Variants in EMILIN2 observed in about 807,000 individuals in gnomAD.
The protein encoded by EMILIN2 is elastin microfibril interfacer 2.
EMILIN2 carries 71 observed loss-of-function variants against 87.1 expected under a neutral mutation model. The ratio of observed to expected loss-of-function variants is 0.82; its 90% CI spans 0.67 to 0.99. The LOEUF is 0.99. Among genes scored for constraint, EMILIN2 ranks in the 50% least tolerant of loss-of-function variants. EMILIN2 has a pLI of 0.00. For missense variants in EMILIN2, 1,407 were observed against 1,371.8 expected, an observed-to-expected ratio of 1.03 and a Z score of -0.40; for synonymous variants, 581 against 563.4, an observed-to-expected ratio of 1.03 and a Z score of -0.44.
chr18:2,883,138 C>T (rs987536956), intron 2 of EMILIN2, among the ~76,000 whole-genome samples: 2 of 152,102 alleles, frequency 1.3e-5, no homozygotes, highest in African/African-American at 4.8e-5. Flanking sequence ...CGGCAGGGCC[C>T]TCTTGGGATT....
chr18:2,909,932 C>T, intron 7 of EMILIN2, 113 bp downstream of exon 7: 1 of 1,436,662 alleles, frequency 7.0e-7, no homozygotes, highest in Non-Finnish European at 9.4e-7. Flanking sequence ...GGGAGGACGC[C>T]ACCCTGGAGC....
chr18:2,897,935 G>GT (rs1181660482), intron 4 of EMILIN2, among the ~76,000 whole-genome samples: 1 of 151,564 alleles, frequency 6.6e-6, no homozygotes. Context: ...TGTATCGATA[G>GT]TTTTTTTGAG....
In EMILIN2 at chr18:2,894,630, G is replaced by C. The variant is rs1170154511; in HGVS notation, c.2359+2144G>C. Among the ~76,000 whole-genome samples, 1 of 152,210 alleles carries C rather than the reference G, an allele frequency of 6.6e-6. No homozygotes were observed. Among genetic ancestry groups the C allele is most frequent in the Non-Finnish European group, 1.5e-5 (1 of 68,038 alleles). ...ATTTGTCTGTTGCAGTAGGAGTTGG[G>C]GGGTGAATTCTTTTAAAAGAGAATG... On this transcript the variant is annotated intron_variant, in intron 4 of 7. Transcript: ENST00000254528. The surrounding 1 kb of genome is among the most constrained non-coding windows in gnomAD (Gnocchi z 5.0).
At chr18:2,889,128 CT>C (rs1218857359) in intron 3 of EMILIN2, among the ~76,000 whole-genome samples, 102 of 82,972 alleles carry the variant, frequency 1.2e-3, no homozygotes, top group East Asian at 0.012. Flanking sequence ...TCATTTCTTT[CT>C]TTTCTTTTTT....
At chr18:2,852,801 G>A (rs1023155778) in intron 2 of EMILIN2, among the ~76,000 whole-genome samples, 3 of 152,184 alleles carry the variant, frequency 2.0e-5, no homozygotes, top group South Asian at 2.1e-4. Context: ...TTATAGGCGT[G>A]AGCCATTGCA....
chr18:2,897,660 G>A (rs923837076), intron 4 of EMILIN2, among the ~76,000 whole-genome samples: 16 of 152,178 alleles, frequency 1.1e-4, no homozygotes, highest in Admixed American at 2.6e-4. Context: ...GAGCACAGGC[G>A]TTCAAGACCA....
rs750664049 is a variant in EMILIN2, at chr18:2,908,908, CTTGT to C, written c.2663-31_2663-28del. The C allele has an allele frequency of 3.1e-6, 5 of 1,613,664 alleles. No individual in the cohort carries two copies. The African/African-American group carries it at 6.7e-5, about 22-fold the overall frequency. On this transcript the variant is annotated intron_variant, in intron 5 of 7. Coordinates refer to ENST00000254528, the MANE Select transcript of EMILIN2 (RefSeq NM_032048.3). Reference sequence around the variant, plus strand: ...AGAACAAGGAGCTGGTGCTTAGGGTCTTGTTTGACATGCCATTTCCTTTCTGTTT... The same window carrying C: ...AGAACAAGGAGCTGGTGCTTAGGGTCTTGACATGCCATTTCCTTTCTGTTT...
In EMILIN2 at chr18:2,847,247, T is replaced by G; in HGVS notation, c.59T>G (p.Leu20Arg). The change falls in exon 1 of 8, where the codon CTG becomes CGG. Residue 20 changes from leucine (L) to arginine (R), a missense_variant. Physicochemically the swap from Leu to Arg is moderately radical, Grantham distance 102 (BLOSUM62 -2). Transcript: ENST00000254528. The surrounding 1 kb of genome is among the most constrained non-coding windows in gnomAD (Gnocchi z 4.5). ...RVPWRWALAL[L>R]ALVGAGLCHA... is the part of the protein sequence containing the mutation. Reference sequence around the variant, plus strand: ...CCCTGGCGCTGGGCGCTGGCGCTGCTGGCCCTGGTTGGCGCGGGGCTGTGC... The same window carrying G: ...CCCTGGCGCTGGGCGCTGGCGCTGCGGGCCCTGGTTGGCGCGGGGCTGTGC... The G allele has an allele frequency of 7.8e-7, 1 of 1,285,124 alleles. No homozygotes were observed. The highest frequency in any genetic ancestry group is 9.8e-7 in the Non-Finnish European group (1 of 1,018,076). The allele number at this position is 1,285,124 out of a possible 1,614,324, so 79.6% of individuals were successfully genotyped here.
rs192981109 is a variant in EMILIN2 at position 2,909,598 on chromosome 18, C to T, written c.2696-93C>T. The T allele has an allele frequency of 3.1e-5, 47 of 1,503,108 alleles. No individual in the cohort carries two copies. In the East Asian group the frequency reaches 5.6e-4, roughly 18 times the overall value. The allele number at this position is 1,503,108 out of a possible 1,614,324, so 93.1% of individuals were successfully genotyped here. ...GGGTGAAATAAAATGGGCCTGGCAC[C>T]TGGGCCTGGCACGTAGGCCTCAGTT... On this transcript the variant is annotated intron_variant, in intron 6 of 7. Transcript: ENST00000254528.
intron 2 of EMILIN2, among the ~76,000 whole-genome samples, chr18:2,876,930 A>G (rs1420204247): frequency 1.3e-5 from 2 of 152,230 alleles, no homozygotes; most frequent in African/African-American, 4.8e-5. Flanking sequence ...GCCAAGTGAA[A>G]TATTTCACAT....
Position 2,891,114 on chromosome 18 carries a change from C to T in EMILIN2, c.987C>T (p.Leu329=), listed in dbSNP as rs2076834075. 5 of 1,614,002 alleles carry T rather than the reference C, an allele frequency of 3.1e-6. No homozygotes were observed. Among genetic ancestry groups the T allele is most frequent in the East Asian group, 2.2e-5 (1 of 44,890 alleles). ...AGATCGACGCCCTGAGAGAGGAGCT[C>T]ATGGAGGGCATGGACAGAAAGCTGG... is the stretch of plus-strand genomic sequence containing the variant. ...DSKIDALREE[L]MEGMDRKLAD... Residue 329 remains leucine (L), a synonymous_variant, in exon 4 of 8, where the codon CTC becomes CTT. Coordinates refer to ENST00000254528, the MANE Select transcript of EMILIN2 (RefSeq NM_032048.3). This position sits in a 1 kb window ranked among gnomAD's most constrained non-coding sequence, Gnocchi z 4.6.
Position 2,906,926 on chromosome 18 carries a change from C to A in EMILIN2, c.2503C>A (p.Pro835Thr). Residue 835 changes from proline to threonine, a missense_variant, in exon 5 of 8, where the codon CCG (proline) becomes ACG (threonine). By Grantham distance (38) the Pro-to-Thr change is conservative. Transcript: ENST00000254528. The part of the protein sequence containing the change: ...VLPQRPPEER[P>T]PQPPGSTGVI... ...GCCCCAGCGGCCCCCCGAGGAGAGG[C>A]CGCCCCAGCCGCCAGGCTCCACCGG... 1 of 1,395,996 alleles carries A rather than the reference C, an allele frequency of 7.2e-7. No individual in the cohort carries two copies. Among genetic ancestry groups the A allele is most frequent in the Admixed American group, 2.7e-5 (1 of 37,336 alleles). 86.5% of individuals were successfully genotyped at this position (1,395,996 alleles called of 1,614,324 possible). A position where few individuals can be genotyped will look rare whatever the true frequency, so the allele number is the denominator to read the frequency against.
chr18:2,891,837 C>A lies in EMILIN2; in HGVS notation c.1710C>A (p.Asn570Lys), dbSNP rs141188171. Residue 570 changes from asparagine to lysine, a missense_variant, in exon 4 of 8, where the codon AAC becomes AAA. Transcript: ENST00000254528. This position sits in a 1 kb window ranked among gnomAD's most constrained non-coding sequence, Gnocchi z 4.6. ...KPHGMEGALP[N>K]REDRAVRDSL... is the part of the protein sequence containing the mutation. ...ATGGGATGGAAGGTGCCTTGCCAAA[C>A]AGGGAAGACCGCGCAGTACGCGACA... is the stretch of plus-strand genomic sequence containing the variant. 1.6e-5 allele frequency: 26 copies of A among 1,614,134 alleles called. No individual in the cohort carries two copies. The African/African-American group carries it at 3.1e-4, about 19-fold the overall frequency.
At chr18:2,846,838 C>T, upstream of EMILIN2, 1 of 985,386 alleles carries the variant, frequency 1.0e-6, no homozygotes, top group Non-Finnish European at 1.2e-6. The surrounding 1 kb of genome is among the most constrained non-coding windows in gnomAD (Gnocchi z 5.3). Context: ...AACCCTTTCG[C>T]CCCTCCACCC....
chr18:2,885,034 T>A lies in EMILIN2; in HGVS notation c.328T>A (p.Cys110Ser). The A allele has an allele frequency of 6.2e-7, 1 of 1,613,930 alleles. No homozygotes were observed. Among genetic ancestry groups the A allele is most frequent in the Non-Finnish European group, 8.5e-7 (1 of 1,179,922 alleles). ...KTVTQLEWRC[C>S]PGFRGGDCQE... ...AGTGACACAGTTGGAATGGAGGTGC[T>A]GTCCTGGCTTTAGAGGGGGAGATTG... Residue 110 changes from cysteine (C) to serine (S), a missense_variant, in exon 3 of 8, where the codon TGT (cysteine) becomes AGT (serine). Coordinates refer to ENST00000254528, the MANE Select transcript of EMILIN2 (RefSeq NM_032048.3).
At chr18:2,857,205 A>G (rs776864823) in intron 2 of EMILIN2, among the ~76,000 whole-genome samples, 1 of 152,230 alleles carries the variant, frequency 6.6e-6, no homozygotes, top group Non-Finnish European at 1.5e-5. Flanking sequence ...TGGTTAAAGA[A>G]AAACTGTGTA....
rs746440776 is a variant in EMILIN2, at chr18:2,890,747, G to A, written c.620G>A (p.Gly207Glu). 1 of 1,614,014 alleles carries A rather than the reference G, an allele frequency of 6.2e-7. No individual in the cohort carries two copies. Among genetic ancestry groups the A allele is most frequent in the Non-Finnish European group, 8.5e-7 (1 of 1,179,962 alleles). ...CTTGACCTCCAGTCTTCCCTTGCTGGAGTGAGTGAAAATCTCAAACATGCC... is the reference window on the plus strand; with the variant it reads ...CTTGACCTCCAGTCTTCCCTTGCTGAAGTGAGTGAAAATCTCAAACATGCC... Reference protein sequence around the residue: ...TVLDLQSSLAGVSENLKHATQ... With the variant: ...TVLDLQSSLAEVSENLKHATQ... The change falls in exon 4 of 8, where the codon GGA (glycine) becomes GAA (glutamate). Residue 207 changes from glycine (G) to glutamate (E), a missense_variant. Gly to Glu is a moderately conservative substitution (Grantham distance 98). Coordinates refer to ENST00000254528, the MANE Select transcript of EMILIN2 (RefSeq NM_032048.3). The surrounding 1 kb of genome is among the most constrained non-coding windows in gnomAD (Gnocchi z 4.7).
At chr18:2,869,833 C>T (rs1158155621) in intron 2 of EMILIN2, among the ~76,000 whole-genome samples, 6 of 113,236 alleles carry the variant, frequency 5.3e-5, no homozygotes, top group African/African-American at 9.7e-5. Context: ...TGTATAGTTG[C>T]TGAAGACGTG....
At chr18:2,902,732 A>G (rs2076893401) in intron 4 of EMILIN2, among the ~76,000 whole-genome samples, 2 of 152,332 alleles carry the variant, frequency 1.3e-5, no homozygotes, top group South Asian at 4.1e-4. Flanking sequence ...TATGATTAGA[A>G]TGCTTTCTAA....
Sources: gnomAD v4.1 joint callset for allele counts (sites outside exome capture counted in the v4.1 genomes callset) on GRCh38, gnomAD v4.1.1 for gene constraint, Gnocchi (gnomAD v3.1) non-coding constraint, MANE v1.5 for transcripts, NCBI Gene and HGNC (gene_info 2026-07-23, HGNC 2026-07-21) for gene names.